GALNT13: variants seen among roughly 807,000 people sequenced by gnomAD.
GALNT13 encodes the protein polypeptide N-acetylgalactosaminyltransferase 13, also known as UDP-GalNAc:polypeptide N-acetylgalactosaminyltransferase 13.
Under a neutral mutation model 64.2 loss-of-function variants are expected in GALNT13, and 28 were observed. That is an observed-to-expected ratio of 0.44 (90% CI 0.32 to 0.60). GALNT13 has a LOEUF of 0.60. Ranked by LOEUF, GALNT13 falls within the 20% of genes least tolerant of loss-of-function variation. The pLI is 0.05. For synonymous variants in GALNT13, 214 were observed against 224.6 expected, an observed-to-expected ratio of 0.95 and a Z score of 0.42; for missense variants, 577 against 669.8, an observed-to-expected ratio of 0.86 and a Z score of 1.53.
intron 8 of GALNT13, among the ~76,000 whole-genome samples, chr2:154,279,377 G>A (rs988298328): frequency 3.3e-5 from 5 of 152,116 alleles, no homozygotes; most frequent in African/African-American, 7.2e-5. Context: ...AGAAACTAAG[G>A]ATATTTGAGA....
At chr2:153,871,907 G>A (rs1685970156), upstream of GALNT13, 1 of 145,146 alleles carries the variant, frequency 6.9e-6, no homozygotes, top group Non-Finnish European at 1.5e-5. Context: ...AGGGGGGCGG[G>A]GGCCGGGGAG....
At chr2:154,359,466 A>T (rs1696938535) in intron 9 of GALNT13, among the ~76,000 whole-genome samples, 1 of 152,080 alleles carries the variant, frequency 6.6e-6, no homozygotes, top group Admixed American at 6.6e-5. Flanking sequence ...TGGAACTACC[A>T]TTCACCTACT....
At chr2:153,620,329 G>A in the GALNT13 span, among the ~76,000 whole-genome samples, 1 of 151,878 alleles carries the variant, frequency 6.6e-6, no homozygotes, top group Admixed American at 6.6e-5. Context: ...TCACCATGTT[G>A]GTCAGGCTGG....
At chr2:153,648,359 A>AT in the GALNT13 span, among the ~76,000 whole-genome samples, 2 of 152,138 alleles carry the variant, frequency 1.3e-5, no homozygotes, top group Admixed American at 6.6e-5. Flanking sequence ...GCTTAAGGAG[A>AT]TTTGGGCTGA....
At chr2:153,074,769 T>G in the GALNT13 span, among the ~76,000 whole-genome samples, 3 of 152,212 alleles carry the variant, frequency 2.0e-5, no homozygotes, top group Admixed American at 6.6e-5. Context: ...AGATATGATC[T>G]TTCTCTGTCA....
At chr2:153,736,111 T>G in the GALNT13 span, among the ~76,000 whole-genome samples, 1 of 152,208 alleles carries the variant, frequency 6.6e-6, no homozygotes, top group Non-Finnish European at 1.5e-5. Context: ...ATGATGATGA[T>G]TCTTCATTTC....
At chr2:153,251,716 C>T in the GALNT13 span, among the ~76,000 whole-genome samples, 5 of 148,580 alleles carry the variant, frequency 3.4e-5, no homozygotes, top group East Asian at 4.1e-4. Flanking sequence ...TGAGAATATG[C>T]GGTGTTTGGT....
rs79876146 is a variant in GALNT13, at chr2:154,185,855, C to T, written c.311+45350C>T. On this transcript the variant is annotated intron_variant, in intron 4 of 12. Coordinates refer to ENST00000392825, the MANE Select transcript of GALNT13 (RefSeq NM_052917.4). Reference sequence around the variant, plus strand: ...TATCAAGGTACTTTCTATACTCTGCCGTATTAAAATGTATTGCCTAGCTTG... The same window carrying T: ...TATCAAGGTACTTTCTATACTCTGCTGTATTAAAATGTATTGCCTAGCTTG... Among the ~76,000 whole-genome samples the T allele has an allele frequency of 6.8e-3, 1,039 of 151,974 alleles. 8 individuals are homozygous for T. Among genetic ancestry groups the T allele is most frequent in the African/African-American group, 0.024 (999 of 41,486 alleles).
At chr2:154,317,740 A>G (rs1444444798) in intron 9 of GALNT13, among the ~76,000 whole-genome samples, 3 of 152,066 alleles carry the variant, frequency 2.0e-5, no homozygotes, top group African/African-American at 7.2e-5. Context: ...TAGCTCCTCC[A>G]TTCACTCACC....
chr2:153,158,781 A>G, the GALNT13 span, among the ~76,000 whole-genome samples: 1 of 152,228 alleles, frequency 6.6e-6, no homozygotes, highest in East Asian at 1.9e-4. Flanking sequence ...AGCATTTGAA[A>G]TGGATGTTTT....
the GALNT13 span, among the ~76,000 whole-genome samples, chr2:153,400,361 T>A: frequency 1.3e-5 from 2 of 152,196 alleles, no homozygotes; most frequent in South Asian, 2.1e-4. Flanking sequence ...ATCGATGTTC[T>A]TCAAGGATAT....
At chr2:153,421,568 G>A in the GALNT13 span, 4 of 235,434 alleles carry the variant, frequency 1.7e-5, no homozygotes, top group Admixed American at 1.3e-4. Context: ...GTGGAAAACC[G>A]AGAAGCCCTG....
At chr2:154,149,182 G>A (rs557784243) in intron 4 of GALNT13, among the ~76,000 whole-genome samples, 28 of 152,206 alleles carry the variant, frequency 1.8e-4, no homozygotes, top group African/African-American at 6.3e-4. Context: ...TATTAAATAG[G>A]GAATCCTTTC....
At chr2:153,142,670 A>C in the GALNT13 span, among the ~76,000 whole-genome samples, 17 of 151,920 alleles carry the variant, frequency 1.1e-4, 1 homozygote, top group Non-Finnish European at 4.4e-5. Flanking sequence ...AGGCCTAGGG[A>C]TATTGTAAGC....
At chr2:153,796,630 C>T in the GALNT13 span, among the ~76,000 whole-genome samples, 1 of 152,066 alleles carries the variant, frequency 6.6e-6, no homozygotes, top group Non-Finnish European at 1.5e-5. Context: ...AAATTCAATA[C>T]ATGTATCCAA....
chr2:154,402,626 GCTA>G, intron 10 of GALNT13, among the ~76,000 whole-genome samples: 1 of 152,250 alleles, frequency 6.6e-6, no homozygotes, highest in African/African-American at 2.4e-5. Context: ...ACCAGTGTGC[GCTA>G]CTATTTTGAT....
the GALNT13 span, among the ~76,000 whole-genome samples, chr2:153,285,782 A>G: frequency 1.3e-5 from 2 of 152,160 alleles, no homozygotes; most frequent in Non-Finnish European, 2.9e-5. Flanking sequence ...GCACTAGCCA[A>G]TGCAATTAAA....
intron 2 of GALNT13, among the ~76,000 whole-genome samples, chr2:153,943,228 A>G (rs1691465394): frequency 6.6e-6 from 1 of 152,118 alleles, no homozygotes; most frequent in African/African-American, 2.4e-5. Context: ...AATGTCTCTT[A>G]ATAATTATGT....
chr2:153,701,120 C>G, the GALNT13 span, among the ~76,000 whole-genome samples: 116 of 152,298 alleles, frequency 7.6e-4, no homozygotes, highest in African/African-American at 2.7e-3. Context: ...GTAACCAAAA[C>G]AGCATGATGC....
Sources: gnomAD v4.1 joint callset for allele counts (sites outside exome capture counted in the v4.1 genomes callset) on GRCh38, gnomAD v4.1.1 for gene constraint, MANE v1.5 for transcripts, NCBI Gene and HGNC (gene_info 2026-07-23, HGNC 2026-07-21) for gene names.